RFX8: variants seen among roughly 807,000 people sequenced by gnomAD.
The protein encoded by RFX8 is regulatory factor X8.
A neutral mutation model predicts 54.6 loss-of-function variants in RFX8; 46 were observed. That is an observed-to-expected ratio of 0.84 (90% CI 0.67 to 1.08). RFX8 has a LOEUF of 1.08. Among genes scored for constraint, RFX8 ranks in the 50% least tolerant of loss-of-function variants. RFX8 has a pLI of 0.00. For synonymous variants in RFX8, 192 were observed against 209.5 expected (o/e 0.92, Z 0.72); for missense variants, 536 against 562.3 (o/e 0.95, Z 0.47).
Position 101,402,664 on chromosome 2 carries a change from G to A in RFX8, c.1017C>T (p.Asp339=), listed in dbSNP as rs971148424. The A allele has an allele frequency of 1.2e-4, 188 of 1,554,928 alleles. 1 individual carries two copies. The East Asian group carries it at 4.5e-3, about 38-fold the overall frequency. The change falls in exon 11 of 12, where the codon GAC becomes GAT. Residue 339 remains aspartate, a synonymous_variant. Coordinates refer to ENST00000428343, the MANE Select transcript of RFX8 (RefSeq NM_001145664.2). ...SCLEEEEEEE[D]MGTVKEMLPD... Reference sequence around the variant, plus strand: ...GTAGCATTTCCTTGACAGTCCCCATGTCCTCCTCCTCCTCTTCCTCCTCTA... The same window carrying A: ...GTAGCATTTCCTTGACAGTCCCCATATCCTCCTCCTCCTCTTCCTCCTCTA...
intron 2 of RFX8, among the ~76,000 whole-genome samples, chr2:101,433,937 A>G (rs987830557): frequency 1.2e-4 from 19 of 152,204 alleles, no homozygotes; most frequent in Admixed American, 7.2e-4. Context: ...TAGTAAATAT[A>G]TATATTCACA....
intron 10 of RFX8, among the ~76,000 whole-genome samples, chr2:101,403,076 C>T (rs952002756): frequency 2.6e-5 from 4 of 152,204 alleles, no homozygotes; most frequent in African/African-American, 9.6e-5. Flanking sequence ...GAGGGTACCC[C>T]TCAACCTCAT....
rs1176824096 is a variant in RFX8 at position 101,469,136 on chromosome 2, A to ACAT, written c.-52-2237_-52-2236insATG. On this transcript the variant is annotated intron_variant, in intron 1 of 11. Coordinates refer to ENST00000428343, the MANE Select transcript of RFX8 (RefSeq NM_001145664.2). ...TATATATATATAAGTATATATATATAAGTATATATATATATATACACACAC... is the reference window on the plus strand; with the variant it reads ...TATATATATATAAGTATATATATATACATAGTATATATATATATATACACACAC... 8.1e-4 allele frequency among the ~76,000 whole-genome samples: 106 copies of ACAT among 130,632 alleles called. 3 individuals carry two copies. The highest frequency in any genetic ancestry group is 3.0e-3 in the African/African-American group (101 of 34,048). The allele number at this position is 130,632 out of a possible 152,430, so 85.7% of individuals were successfully genotyped here.
At chr2:101,445,442 G>T (rs567801449) in intron 2 of RFX8, among the ~76,000 whole-genome samples, 2 of 152,070 alleles carry the variant, frequency 1.3e-5, no homozygotes, top group South Asian at 4.2e-4. Context: ...GCCCAGGCTG[G>T]AGTGCAGTGG....
chr2:101,460,817 T>C (rs911447358), intron 2 of RFX8, among the ~76,000 whole-genome samples: 1 of 151,322 alleles, frequency 6.6e-6, no homozygotes, highest in Non-Finnish European at 1.5e-5. Flanking sequence ...CTTTTCTGGC[T>C]CCAGGTTCTA....
At chr2:101,438,737 G>A (rs1160979911) in intron 2 of RFX8, among the ~76,000 whole-genome samples, 1 of 152,200 alleles carries the variant, frequency 6.6e-6, no homozygotes. Context: ...TGCTGGCATT[G>A]GGTGCTGTCA....
chr2:101,403,886 T>C (rs777566791), intron 10 of RFX8, among the ~76,000 whole-genome samples: 7 of 152,248 alleles, frequency 4.6e-5, no homozygotes, highest in Non-Finnish European at 7.3e-5. Flanking sequence ...ATGTTGCCAC[T>C]GGTTCAAAAG....
At position 101,419,267 on chromosome 2, in the gene RFX8, G is replaced by A. The variant is rs1000480733; in HGVS notation, c.238-303C>T. Reference sequence around the variant, plus strand: ...GGGCTCCAGTTGATTATACTAGGATGAGGACTGGGCCACAGGGCACAGCCC... The same window carrying A: ...GGGCTCCAGTTGATTATACTAGGATAAGGACTGGGCCACAGGGCACAGCCC... On this transcript the variant is annotated intron_variant, in intron 4 of 11. Coordinates refer to ENST00000428343, the MANE Select transcript of RFX8 (RefSeq NM_001145664.2). Among the ~76,000 whole-genome samples the A allele has an allele frequency of 3.9e-5, 6 of 152,314 alleles. No individual in the cohort carries two copies. The South Asian group carries it at 1.2e-3, about 32-fold the overall frequency.
chr2:101,425,279 G>T (rs1298270436), intron 2 of RFX8, among the ~76,000 whole-genome samples: 1 of 152,128 alleles, frequency 6.6e-6, no homozygotes, highest in Non-Finnish European at 1.5e-5. Context: ...GGGTGTTACT[G>T]CTGATATTCC....
intron 11 of RFX8, 145 bp downstream of exon 11, chr2:101,402,291 C>A: frequency 1.4e-6 from 1 of 719,010 alleles, no homozygotes; most frequent in South Asian, 1.9e-5. Flanking sequence ...ATTAAACTCA[C>A]CCCTGGCAAA....
At position 101,397,442 on chromosome 2, in the gene RFX8, A is replaced by G. The variant is rs776155936; in HGVS notation, c.*106T>C. ...ACATAAAATAGACAATGCTACATCT[A>G]TTATATACATAACATCATCTTTCGT... On this transcript the variant is annotated 3_prime_UTR_variant, in exon 12 of 12. Transcript: ENST00000428343. 2.2e-5 allele frequency: 15 copies of G among 692,628 alleles called. No homozygotes were observed. The highest frequency in any genetic ancestry group is 7.3e-5 in the African/African-American group (4 of 55,122). 42.9% of individuals were successfully genotyped at this position (692,628 alleles called of 1,614,324 possible).
At chr2:101,443,077 A>G (rs550892588) in intron 2 of RFX8, among the ~76,000 whole-genome samples, 1 of 152,276 alleles carries the variant, frequency 6.6e-6, no homozygotes, top group Admixed American at 6.5e-5. Context: ...AGAGCAACTC[A>G]AGGAAGGAAG....
At chr2:101,438,915 G>A (rs538969580) in intron 2 of RFX8, among the ~76,000 whole-genome samples, 69 of 152,256 alleles carry the variant, frequency 4.5e-4, no homozygotes, top group African/African-American at 1.5e-3. Context: ...GGGTTCAAGC[G>A]ATTCTCCTGG....
chr2:101,462,442 G>T (rs1000141999), intron 2 of RFX8, among the ~76,000 whole-genome samples: 30 of 151,962 alleles, frequency 2.0e-4, no homozygotes, highest in Non-Finnish European at 8.8e-5. Flanking sequence ...AAAAAGGGGG[G>T]ATATGGTTAA....
chr2:101,454,863 T>C (rs565679305), intron 2 of RFX8, among the ~76,000 whole-genome samples: 1 of 152,354 alleles, frequency 6.6e-6, no homozygotes, highest in East Asian at 1.9e-4. Context: ...TTCACTCTGA[T>C]GATAGTTTCT....
chr2:101,421,638 C>T (rs781761349), intron 4 of RFX8, 86 bp downstream of exon 4: 96 of 1,497,726 alleles, frequency 6.4e-5, no homozygotes, highest in Non-Finnish European at 7.7e-5. Context: ...GACGGGGTCT[C>T]TTCAAATAAA....
chr2:101,417,455 C>T (rs1038190081), intron 6 of RFX8, 79 bp downstream of exon 6: 6 of 1,341,710 alleles, frequency 4.5e-6, no homozygotes, highest in Admixed American at 2.5e-5. Context: ...ATCCTCCTGC[C>T]TCGGCCTTCC....
chr2:101,421,093 C>T (rs553704978), intron 4 of RFX8: 62 of 212,890 alleles, frequency 2.9e-4, no homozygotes, highest in South Asian at 1.8e-3. Context: ...CAATGCTTTA[C>T]GCCGAGTAGG....
At chr2:101,474,361 G>A in intron 1 of RFX8, 1 of 414,220 alleles carries the variant, frequency 2.4e-6, no homozygotes, top group East Asian at 3.7e-5. Flanking sequence ...TGCTACCGCC[G>A]CTCCTCGGTG....
Sources: allele counts gnomAD v4.1 joint callset (sites outside exome capture counted in the v4.1 genomes callset), GRCh38; gene constraint gnomAD v4.1.1; transcripts MANE v1.5; gene names NCBI Gene and HGNC (gene_info 2026-07-23, HGNC 2026-07-21).